GOLPH3: variants seen among roughly 807,000 people sequenced by gnomAD.
The protein encoded by GOLPH3 is coat protein GPP34.
A neutral mutation model predicts 28.5 loss-of-function variants in GOLPH3; 14 were observed. The ratio of observed to expected loss-of-function variants is 0.49; its 90% confidence interval spans 0.32 to 0.77. GOLPH3 has a LOEUF of 0.77. Among genes scored for constraint, GOLPH3 ranks in the 30% least tolerant of loss-of-function variants. The pLI is 0.03. For missense variants in GOLPH3, 350 were observed against 393.7 expected (o/e 0.89, Z 0.94); for synonymous variants, 158 against 159.2 (o/e 0.99, Z 0.06).
intron 1 of GOLPH3, among the ~76,000 whole-genome samples, chr5:32,163,065 G>A (rs773304638): frequency 5.3e-5 from 8 of 152,120 alleles, no homozygotes; most frequent in East Asian, 1.9e-4. Flanking sequence ...GTGACAGAGC[G>A]AGACTCCGTC....
chr5:32,158,128 A>AAATAAAT (rs1554049292), intron 1 of GOLPH3, among the ~76,000 whole-genome samples: 8 of 41,690 alleles, frequency 1.9e-4, no homozygotes, highest in African/African-American at 7.8e-4. Flanking sequence ...ATAAATAAAT[A>AAATAAAT]AAATACACAC....
At chr5:32,160,284 C>T (rs1450982988) in intron 1 of GOLPH3, among the ~76,000 whole-genome samples, 2 of 152,054 alleles carry the variant, frequency 1.3e-5, no homozygotes, top group Non-Finnish European at 2.9e-5. Context: ...TGCTGTGTTG[C>T]CCAGGCTGGT....
chr5:32,162,713 T>A (rs1047607847), intron 1 of GOLPH3, among the ~76,000 whole-genome samples: 6 of 152,242 alleles, frequency 3.9e-5, no homozygotes, highest in African/African-American at 1.2e-4. Flanking sequence ...CAGCACCATG[T>A]GGTTTTCAAA....
chr5:32,161,867 A>G (rs1309010512), intron 1 of GOLPH3, among the ~76,000 whole-genome samples: 3 of 150,668 alleles, frequency 2.0e-5, no homozygotes, highest in African/African-American at 7.5e-5. Context: ...CTCTACTAAA[A>G]ATACAAAAAA....
intron 1 of GOLPH3, among the ~76,000 whole-genome samples, chr5:32,148,368 G>A (rs1440393166): frequency 2.0e-5 from 3 of 152,100 alleles, no homozygotes; most frequent in Non-Finnish European, 4.4e-5. Flanking sequence ...AGTCTGTATA[G>A]GCATAAAGTA....
chr5:32,169,505 C>T (rs1256209187), intron 1 of GOLPH3, among the ~76,000 whole-genome samples: 2 of 152,180 alleles, frequency 1.3e-5, no homozygotes, highest in African/African-American at 4.8e-5. Context: ...TCTGCTTCTG[C>T]TGTTCCATAG....
intron 1 of GOLPH3, among the ~76,000 whole-genome samples, chr5:32,164,016 G>T (rs907222030): frequency 6.6e-6 from 1 of 152,172 alleles, no homozygotes; most frequent in African/African-American, 2.4e-5. Flanking sequence ...GTCCCAGAAG[G>T]TAGTGGTGGA....
At chr5:32,132,524 C>T (rs1745844588) in intron 3 of GOLPH3, among the ~76,000 whole-genome samples, 1 of 152,194 alleles carries the variant, frequency 6.6e-6, no homozygotes, top group African/African-American at 2.4e-5. Context: ...TACTGTCAAA[C>T]TCTCATCTGT....
At chr5:32,142,102 C>G (rs1386599804) in intron 2 of GOLPH3, among the ~76,000 whole-genome samples, 1 of 151,396 alleles carries the variant, frequency 6.6e-6, no homozygotes, top group Admixed American at 6.6e-5. Context: ...GCCTGGCTGC[C>G]CAGTCTGGAA....
chr5:32,156,038 GA>G (rs1178710159), intron 1 of GOLPH3, among the ~76,000 whole-genome samples: 1 of 137,776 alleles, frequency 7.3e-6, no homozygotes, highest in Non-Finnish European at 1.5e-5. Context: ...ATTAAGTCAT[GA>G]AGGCAGAAGC....
At chr5:32,164,100 G>A (rs779479617) in intron 1 of GOLPH3, among the ~76,000 whole-genome samples, 4 of 152,032 alleles carry the variant, frequency 2.6e-5, no homozygotes, top group Admixed American at 6.6e-5. Context: ...GTTCCTACAC[G>A]CAGTTCAGTA....
In GOLPH3 at chr5:32,125,622, T is replaced by TCCAATTGTTA. The variant is rs1332431070; in HGVS notation, c.*589_*590insTAACAATTGG. On this transcript the variant is annotated 3_prime_UTR_variant, in exon 4 of 4. Transcript: ENST00000265070. The stretch of plus-strand genomic sequence containing the variant: ...CTGTGAAACAATTGGACCTTTATAG[T>TCCAATTGTTA]TAAAATTATAACAAGTGTAATAATA... The TCCAATTGTTA allele has an allele frequency of 6.5e-6, 1 of 152,712 alleles. No homozygotes were observed. The highest frequency in any genetic ancestry group is 1.5e-5 in the Non-Finnish European group (1 of 68,098). The allele number at this position is 152,712 out of a possible 1,614,324, so 9.5% of individuals were successfully genotyped here. A position where few individuals can be genotyped will look rare whatever the true frequency, so the allele number is the denominator to read the frequency against.
chr5:32,143,561 C>G (rs1283547662), intron 2 of GOLPH3, among the ~76,000 whole-genome samples, 188 bp downstream of exon 2: 1 of 152,060 alleles, frequency 6.6e-6, no homozygotes, highest in Non-Finnish European at 1.5e-5. Flanking sequence ...CCTTAACAAT[C>G]AATTACATTA....
In GOLPH3 at chr5:32,131,231, A is replaced by G. The variant is rs554212260; in HGVS notation, c.472+4341T>C. Among the ~76,000 whole-genome samples the G allele has an allele frequency of 3.3e-5, 5 of 152,354 alleles. No individual in the cohort carries two copies. In the East Asian group the frequency reaches 9.6e-4, roughly 29 times the overall value. On this transcript the variant is annotated intron_variant, in intron 3 of 3. Transcript: ENST00000265070. ...GGCTAAAACTGTGAGGAAATATCCC[A>G]AATGTTGTTTAATAGTATTTGTGGT...
chr5:32,172,898 A>G (rs1353681632), intron 1 of GOLPH3, among the ~76,000 whole-genome samples: 3 of 152,270 alleles, frequency 2.0e-5, no homozygotes, highest in Non-Finnish European at 4.4e-5. Context: ...GGCAAATATA[A>G]CAAATACAGC....
chr5:32,147,109 T>C (rs1015157833), intron 1 of GOLPH3, among the ~76,000 whole-genome samples: 3 of 152,134 alleles, frequency 2.0e-5, no homozygotes, highest in Non-Finnish European at 4.4e-5. Flanking sequence ...CTTATAAATG[T>C]TCACATCCTT....
chr5:32,157,336 A>G (rs182719256), intron 1 of GOLPH3, among the ~76,000 whole-genome samples: 14 of 152,210 alleles, frequency 9.2e-5, no homozygotes, highest in African/African-American at 2.4e-4. Context: ...ACCCAGCACA[A>G]TAAGTTACTG....
intron 1 of GOLPH3, among the ~76,000 whole-genome samples, chr5:32,172,029 T>G (rs1051107761): frequency 6.6e-6 from 1 of 152,182 alleles, no homozygotes; most frequent in Admixed American, 6.5e-5. Context: ...TTCTAAAAAT[T>G]ACATTACTAG....
chr5:32,145,504 T>C (rs770345442), intron 1 of GOLPH3, among the ~76,000 whole-genome samples: 13 of 152,206 alleles, frequency 8.5e-5, no homozygotes, highest in Non-Finnish European at 1.6e-4. Flanking sequence ...GTTACAGATA[T>C]CTGGCTTTGA....
Sources: gnomAD v4.1 joint callset for allele counts (sites outside exome capture counted in the v4.1 genomes callset) on GRCh38, gnomAD v4.1.1 for gene constraint, MANE v1.5 for transcripts, NCBI Gene and HGNC (gene_info 2026-07-23, HGNC 2026-07-21) for gene names.